Variants in ITGA9 observed in about 807,000 individuals in gnomAD.
ITGA9 encodes the protein integrin subunit alpha 9.
Under a neutral mutation model 127.8 loss-of-function variants are expected in ITGA9, and 56 were observed. The observed-to-expected ratio is 0.44, with a 90% CI of 0.35 to 0.55. The LOEUF (loss-of-function observed/expected upper bound fraction) is 0.55. ITGA9 is among the 20% of genes least tolerant of loss of function. The pLI, the probability that ITGA9 is intolerant of heterozygous loss-of-function variation, is 0.00. For missense variants in ITGA9, 1,196 were observed against 1,347.1 expected, an observed-to-expected ratio of 0.89 and a Z score of 1.76; for synonymous variants, 508 against 514.5, an observed-to-expected ratio of 0.99 and a Z score of 0.17.
intron 23 of ITGA9, among the ~76,000 whole-genome samples, chr3:37,761,591 TTAATC>T (rs758038433): frequency 1.1e-4 from 16 of 152,182 alleles, no homozygotes; most frequent in East Asian, 1.9e-4. Flanking sequence ...CAAGAACAAA[TTAATC>T]TAATCTTCAT....
chr3:37,506,095 A>G lies in ITGA9; in HGVS notation c.828+10A>G. On this transcript the variant is annotated intron_variant, in intron 7 of 27. Coordinates refer to ENST00000264741, the MANE Select transcript of ITGA9 (RefSeq NM_002207.3). Reference sequence around the variant, plus strand: ...CAAAGGCATCGGCAAGGTGAGGAGAAACATCTGTGGAATAGCTGGGGTCAG... The same window carrying G: ...CAAAGGCATCGGCAAGGTGAGGAGAGACATCTGTGGAATAGCTGGGGTCAG... The G allele has an allele frequency of 6.3e-7, 1 of 1,589,020 alleles. No homozygotes were observed. The highest frequency in any genetic ancestry group is 1.1e-5 in the South Asian group (1 of 88,450).
intron 13 of ITGA9, 139 bp from the exon 14 acceptor site, chr3:37,533,175 C>T: frequency 1.3e-6 from 1 of 798,290 alleles, no homozygotes; most frequent in Non-Finnish European, 2.1e-6. Flanking sequence ...ACATACTAGC[C>T]CTTCTCTCTT....
intron 27 of ITGA9, chr3:37,807,801 A>G (rs75524466): frequency 0.089 from 13,557 of 152,366 alleles, 1,216 homozygotes; most frequent in African/African-American, 0.23. Context: ...GCCATGGGTC[A>G]AGGTAGGACA....
intron 18 of ITGA9, among the ~76,000 whole-genome samples, chr3:37,727,731 G>A (rs1210959490): frequency 1.3e-5 from 2 of 152,130 alleles, no homozygotes; most frequent in African/African-American, 4.8e-5. Flanking sequence ...CTGGTTTTCG[G>A]TACAATCACA....
At chr3:37,537,734 C>CG (rs1699224137) in intron 14 of ITGA9, among the ~76,000 whole-genome samples, 1 of 152,178 alleles carries the variant, frequency 6.6e-6, no homozygotes, top group Admixed American at 6.5e-5. Flanking sequence ...AGATGAGCTC[C>CG]GGGCCCCTTG....
At chr3:37,518,001 G>A (rs746273215) in intron 10 of ITGA9, among the ~76,000 whole-genome samples, 3 of 152,148 alleles carry the variant, frequency 2.0e-5, no homozygotes, top group African/African-American at 2.4e-5. Context: ...GCTCTACCAT[G>A]TTGATGGGGA....
intron 16 of ITGA9, among the ~76,000 whole-genome samples, chr3:37,643,497 T>C (rs1700351128): frequency 7.3e-6 from 1 of 136,396 alleles, no homozygotes; most frequent in Non-Finnish European, 1.6e-5. Context: ...TTCAGTGTTA[T>C]GTTTTATTTT....
chr3:37,658,607 A>G (rs1700502370), intron 17 of ITGA9, among the ~76,000 whole-genome samples: 1 of 152,210 alleles, frequency 6.6e-6, no homozygotes, highest in South Asian at 2.1e-4. Context: ...TCTCCTGAAT[A>G]CAGCACACTG....
intron 18 of ITGA9, among the ~76,000 whole-genome samples, chr3:37,715,587 G>A (rs574626137): frequency 6.6e-6 from 1 of 152,214 alleles, no homozygotes; most frequent in Non-Finnish European, 1.5e-5. Flanking sequence ...GTAATTAAAT[G>A]AGTCCATGTT....
chr3:37,648,167 C>G (rs1478204361), intron 16 of ITGA9, among the ~76,000 whole-genome samples: 1 of 152,152 alleles, frequency 6.6e-6, no homozygotes, highest in East Asian at 1.9e-4. Flanking sequence ...TCCCTTTTCT[C>G]CATGCCCTCA....
chr3:37,603,001 A>G (rs368445811), intron 15 of ITGA9, among the ~76,000 whole-genome samples: 45 of 152,338 alleles, frequency 3.0e-4, no homozygotes, highest in South Asian at 1.0e-3. Context: ...CTCACCCCCA[A>G]TGATGGCATG....
chr3:37,704,050 A>G (rs1203868770), intron 18 of ITGA9, among the ~76,000 whole-genome samples: 1 of 152,134 alleles, frequency 6.6e-6, no homozygotes, highest in Non-Finnish European at 1.5e-5. Context: ...CTTTGCATAA[A>G]GAGGCTTATT....
chr3:37,674,622 G>A (rs528662036), intron 17 of ITGA9, among the ~76,000 whole-genome samples: 1 of 152,302 alleles, frequency 6.6e-6, no homozygotes, highest in Admixed American at 6.5e-5. Context: ...CAGGGGCAAT[G>A]TTCAAAATAG....
chr3:37,721,523 T>C (rs566731544), intron 18 of ITGA9, among the ~76,000 whole-genome samples: 66 of 152,344 alleles, frequency 4.3e-4, no homozygotes, highest in African/African-American at 1.5e-3. Context: ...GTTTCACTTT[T>C]TTAAGCTTGG....
chr3:37,535,002 G>A (rs749663465), intron 14 of ITGA9, among the ~76,000 whole-genome samples: 8 of 152,336 alleles, frequency 5.3e-5, no homozygotes, highest in East Asian at 1.9e-4. Flanking sequence ...AGCTCATCAC[G>A]TAGTTGGACT....
In ITGA9 at chr3:37,750,477, C is replaced by G. The variant is rs1356414361; in HGVS notation, c.2449C>G (p.Pro817Ala). 1.2e-6 allele frequency: 2 copies of G among 1,612,152 alleles called. No homozygotes were observed. The highest frequency in any genetic ancestry group is 2.7e-5 in the African/African-American group (2 of 74,876). The change falls in exon 23 of 28, where the codon CCA (proline) becomes GCA (alanine). Residue 817 changes from proline to alanine, a missense_variant. Transcript: ENST00000264741. ...NITLQVYNTGPSTLPGSSVSI... is the reference protein window; with the variant it reads ...NITLQVYNTGASTLPGSSVSI... ...ACACCCACAGGTCTACAACACTGGCCCAAGCACCCTTCCAGGGTCATCTGT... is the reference window on the plus strand; with the variant it reads ...ACACCCACAGGTCTACAACACTGGCGCAAGCACCCTTCCAGGGTCATCTGT...
In ITGA9 at chr3:37,452,459, G is replaced by A; in HGVS notation, c.85G>A (p.Ala29Thr). 6.7e-7 allele frequency: 1 copy of A among 1,489,656 alleles called. No homozygotes were observed. 92.3% of individuals were successfully genotyped at this position (1,489,656 alleles called of 1,614,324 possible). A position where few individuals can be genotyped will look rare whatever the true frequency, so the allele number is the denominator to read the frequency against. ...GGTGGTCGCGGGGATCCCCGCGGGC[G>A]CCTACAACCTCGACCCGCAGCGCCC... ...ALVVAGIPAG[A>T]YNLDPQRPVH... The change falls in exon 1 of 28, where the codon GCC becomes ACC. Residue 29 changes from alanine (A) to threonine (T), a missense_variant. By Grantham distance (58) the Ala-to-Thr change is moderately conservative. Transcript: ENST00000264741. This position sits in a 1 kb window ranked among gnomAD's most constrained non-coding sequence, Gnocchi z 7.3.
intron 15 of ITGA9, among the ~76,000 whole-genome samples, chr3:37,625,609 A>AT (rs889282009): frequency 1.3e-5 from 2 of 152,004 alleles, no homozygotes; most frequent in East Asian, 1.9e-4. Context: ...TTGTAGCGTT[A>AT]TTTTTTTTAA....
intron 18 of ITGA9, among the ~76,000 whole-genome samples, chr3:37,686,765 C>T (rs17036791): frequency 5.3e-5 from 8 of 151,962 alleles, no homozygotes; most frequent in South Asian, 2.1e-4. Context: ...CAGCCAGAAA[C>T]GCAGATGGGC....
Sources: allele counts gnomAD v4.1 joint callset (sites outside exome capture counted in the v4.1 genomes callset), GRCh38; gene constraint gnomAD v4.1.1; non-coding constraint Gnocchi (gnomAD v3.1); transcripts MANE v1.5; gene names NCBI Gene and HGNC (gene_info 2026-07-23, HGNC 2026-07-21).